The following MCPH1 variants were observed in gnomAD, a reference collection of about 807,000 sequenced individuals.
MCPH1 encodes the protein microcephalin.
A neutral mutation model predicts 84.5 loss-of-function variants in MCPH1; 104 were observed. That is an observed-to-expected ratio of 1.23 (90% CI 1.05 to 1.45). MCPH1 has a LOEUF of 1.45. MCPH1 is among the 40% of genes most tolerant of loss of function. MCPH1 has a pLI of 0.00. For synonymous variants in MCPH1, 514 were observed against 366.8 expected (o/e 1.40, Z -4.58); for missense variants, 1,498 against 1,005.7 (o/e 1.49, Z -6.62).
intron 12 of MCPH1, among the ~76,000 whole-genome samples, chr8:6,600,645 T>C (rs752406861): frequency 1.2e-4 from 19 of 152,260 alleles, no homozygotes; most frequent in Admixed American, 2.0e-4. Context: ...CAGCTTTGTA[T>C]TGAAAGATTT....
intron 12 of MCPH1, chr8:6,501,335 G>A (rs1812135489): frequency 6.6e-6 from 1 of 152,200 alleles, no homozygotes; most frequent in Admixed American, 6.5e-5. Context: ...GGTGAAGACA[G>A]ACATATAGTA....
intron 12 of MCPH1, among the ~76,000 whole-genome samples, chr8:6,533,203 C>T (rs1335741260): frequency 1.3e-5 from 2 of 152,234 alleles, no homozygotes; most frequent in African/African-American, 4.8e-5. Context: ...TCTTCTCTCC[C>T]TCAGTTACTA....
At chr8:6,417,919 T>G (rs947620896) in intron 3 of MCPH1, among the ~76,000 whole-genome samples, 3 of 152,254 alleles carry the variant, frequency 2.0e-5, no homozygotes, top group Non-Finnish European at 4.4e-5. Flanking sequence ...TTTTCTATTG[T>G]CGCAAAGAGC....
chr8:6,466,433 G>A (rs892752615), intron 9 of MCPH1, among the ~76,000 whole-genome samples: 1 of 151,870 alleles, frequency 6.6e-6, no homozygotes, highest in African/African-American at 2.4e-5. Flanking sequence ...TCAACCTCCT[G>A]GGTAGCTGGG....
intron 12 of MCPH1, chr8:6,513,804 T>G: frequency 6.2e-7 from 1 of 1,613,864 alleles, no homozygotes; most frequent in Non-Finnish European, 8.5e-7. Flanking sequence ...CGAAACAAAC[T>G]CATTTCCCAG....
At chr8:6,528,130 C>G (rs1313768178) in intron 12 of MCPH1, among the ~76,000 whole-genome samples, 3 of 152,144 alleles carry the variant, frequency 2.0e-5, no homozygotes, top group Non-Finnish European at 4.4e-5. Context: ...CTCCTGACCT[C>G]AAGGGATTCA....
At chr8:6,523,890 AT>A (rs367933701) in intron 12 of MCPH1, among the ~76,000 whole-genome samples, 11,105 of 143,942 alleles carry the variant, frequency 0.077, 480 homozygotes, top group African/African-American at 0.12. Context: ...CCTGGCTGGC[AT>A]TTTTTTTTTT....
At chr8:6,583,216 C>T (rs541765156) in intron 12 of MCPH1, among the ~76,000 whole-genome samples, 21 of 151,988 alleles carry the variant, frequency 1.4e-4, no homozygotes, top group South Asian at 2.1e-4. Context: ...TACTTTGAAG[C>T]AGCACACATT....
chr8:6,438,656 T>G (rs1344650259), intron 5 of MCPH1, among the ~76,000 whole-genome samples: 1 of 152,242 alleles, frequency 6.6e-6, no homozygotes, highest in Non-Finnish European at 1.5e-5. Context: ...TCAGTCTTTG[T>G]CTTCAAGTGG....
intron 12 of MCPH1, among the ~76,000 whole-genome samples, chr8:6,605,863 A>G (rs1829733756): frequency 6.6e-6 from 1 of 151,906 alleles, no homozygotes; most frequent in Admixed American, 6.6e-5. Context: ...ATGCCCAACT[A>G]ATTTTTGTAT....
chr8:6,581,032 T>C (rs1172179806), intron 12 of MCPH1, among the ~76,000 whole-genome samples: 1 of 152,224 alleles, frequency 6.6e-6, no homozygotes, highest in Non-Finnish European at 1.5e-5. Flanking sequence ...GCATTTACAT[T>C]GTATTAACTA....
At chr8:6,508,848 A>T (rs1586222371) in intron 12 of MCPH1, 1 of 1,567,200 alleles carries the variant, frequency 6.4e-7, no homozygotes, top group Non-Finnish European at 8.8e-7. Context: ...TACAAATCAC[A>T]ATTTGTAGTC....
At chr8:6,418,422 G>C (rs546398016) in intron 3 of MCPH1, among the ~76,000 whole-genome samples, 3 of 152,122 alleles carry the variant, frequency 2.0e-5, no homozygotes, top group African/African-American at 7.2e-5. Flanking sequence ...TGTATTTCCA[G>C]GACGTATAGC....
At chr8:6,431,001 A>G (rs1006574842) in intron 3 of MCPH1, among the ~76,000 whole-genome samples, 1 of 152,188 alleles carries the variant, frequency 6.6e-6, no homozygotes, top group Non-Finnish European at 1.5e-5. Flanking sequence ...AGGCTTGGCA[A>G]TGCGGAGCAT....
intron 13 of MCPH1, among the ~76,000 whole-genome samples, chr8:6,628,975 T>C (rs1158154639): frequency 6.6e-6 from 1 of 152,228 alleles, no homozygotes; most frequent in Non-Finnish European, 1.5e-5. Flanking sequence ...ACAGTCAGTG[T>C]TGAAACTAAA....
intron 9 of MCPH1, among the ~76,000 whole-genome samples, chr8:6,465,664 C>G (rs2979653): frequency 7.9e-5 from 12 of 151,610 alleles, no homozygotes; most frequent in Non-Finnish European, 1.2e-4. Flanking sequence ...TGAACCAAAA[C>G]AAGGAAGGGC....
intron 13 of MCPH1, among the ~76,000 whole-genome samples, chr8:6,630,281 C>T (rs751225759): frequency 3.3e-5 from 5 of 151,990 alleles, no homozygotes; most frequent in Non-Finnish European, 2.9e-5. Context: ...GATAGGGTTC[C>T]AGGAGAAATA....
intron 13 of MCPH1, chr8:6,622,031 C>T: frequency 2.5e-6 from 1 of 399,592 alleles, no homozygotes; most frequent in South Asian, 1.9e-5. Flanking sequence ...CCTCCCTCCC[C>T]AGTGCCTCCT....
intron 12 of MCPH1, among the ~76,000 whole-genome samples, chr8:6,551,949 AAT>A (rs1166514611): frequency 6.6e-6 from 1 of 152,218 alleles, no homozygotes; most frequent in Non-Finnish European, 1.5e-5. Context: ...TACGCAGTCT[AAT>A]AAAACTCTAA....
Sources: allele counts gnomAD v4.1 joint callset (sites outside exome capture counted in the v4.1 genomes callset), GRCh38; gene constraint gnomAD v4.1.1; transcripts MANE v1.5; gene names NCBI Gene and HGNC (gene_info 2026-07-23, HGNC 2026-07-21).